The following LSP1 variants were observed in gnomAD, a reference collection of about 807,000 sequenced individuals.
LSP1 encodes lymphocyte specific protein 1, also known as lymphocyte-specific protein 1.
LSP1 carries 32 observed loss-of-function variants against 49.3 expected under a neutral mutation model. That is an observed-to-expected ratio of 0.65 (90% CI 0.49 to 0.87). The LOEUF is 0.87. Ranked by LOEUF, LSP1 falls within the 40% of genes least tolerant of loss-of-function variation. The probability of loss-of-function intolerance (pLI) is 0.00; values close to 1 mark genes in which losing one functional copy is unlikely to be tolerated. For missense variants in LSP1, 428 were observed against 442.6 expected (o/e 0.97, Z 0.30); for synonymous variants, 179 against 178.8 (o/e 1.00, Z -0.01).
chr11:1,866,713 G>A, intron 1 of LSP1: 1 of 1,550,550 alleles, frequency 6.4e-7, no homozygotes, highest in Non-Finnish European at 8.7e-7. Context: ...GAGCTCTGTG[G>A]CCTGGGATTT....
In LSP1 at chr11:1,881,510, G is replaced by A. The variant is rs773971338; in HGVS notation, c.270G>A (p.Gln90=). The A allele has an allele frequency of 5.7e-6, 9 of 1,568,330 alleles. No individual in the cohort carries two copies. The highest frequency in any genetic ancestry group is 7.8e-6 in the Non-Finnish European group (9 of 1,156,044). Reference sequence around the variant, plus strand: ...GCGACTGGTCCCAGAGGCCAGAGCAGCGGCAGCAGCACGAGGGGGCGCAGG... The same window carrying A: ...GCGACTGGTCCCAGAGGCCAGAGCAACGGCAGCAGCACGAGGGGGCGCAGG... ...GFGDWSQRPE[Q]RQQHEGAQGA... is the part of the protein sequence containing the mutation. Residue 90 remains glutamine (Q), a synonymous_variant, in exon 3 of 11, where the codon CAG becomes CAA. Transcript: ENST00000311604.
chr11:1,861,709 GGA>G (rs1847636467), intron 1 of LSP1, among the ~76,000 whole-genome samples: 2 of 150,574 alleles, frequency 1.3e-5, no homozygotes, highest in African/African-American at 2.4e-5. Context: ...ATGGATGGAT[GGA>G]TGGATGGATG....
At position 1,873,854 on chromosome 11, in the gene LSP1, G is replaced by GAGGGAGGCCGGCAGAGC. The variant is rs1565079117; in HGVS notation, c.54-6225_54-6224insCGGCAGAGCAGGGAGGC. Among the ~76,000 whole-genome samples the GAGGGAGGCCGGCAGAGC allele has an allele frequency of 3.6e-4, 31 of 86,660 alleles. 2 individuals carry two copies. The highest frequency in any genetic ancestry group is 5.3e-4 in the African/African-American group (11 of 20,926). 56.9% of individuals were successfully genotyped at this position (86,660 alleles called of 152,430 possible). A position where few individuals can be genotyped will look rare whatever the true frequency, so the allele number is the denominator to read the frequency against. ...CGGCAGAGGAGGGAGGCCGGCAGAG[G>GAGGGAGGCCGGCAGAGC]AGGGAGGCTGGCAGAGGAGGGAGGC... On this transcript the variant is annotated intron_variant, in intron 1 of 10. Transcript: ENST00000311604.
chr11:1,869,774 T>C, intron 1 of LSP1: 1 of 451,280 alleles, frequency 2.2e-6, no homozygotes, highest in Non-Finnish European at 4.5e-6. Context: ...GCGAGGAAAA[T>C]GGGGCGCCCC....
rs764747598 is a variant in LSP1, at chr11:1,880,236, CA to C, written c.191+13del. ...AAGCAGGAGATGCTGTGAGCAGCCC[CA>C]TAACGCGTGCCTGGGCTCTAGCCCC... is the stretch of plus-strand genomic sequence containing the variant. On this transcript the variant is annotated intron_variant, in intron 2 of 10. Coordinates refer to ENST00000311604, the MANE Select transcript of LSP1 (RefSeq NM_002339.3). The C allele has an allele frequency of 3.8e-6, 6 of 1,582,084 alleles. No individual in the cohort carries two copies. In the African/African-American group the frequency reaches 6.8e-5, roughly 18 times the overall value.
At chr11:1,885,521 A>G (rs541926641) in intron 7 of LSP1, among the ~76,000 whole-genome samples, 2 of 150,012 alleles carry the variant, frequency 1.3e-5, no homozygotes, top group South Asian at 4.3e-4. Context: ...CTTGCACCCA[A>G]TCAATGGCCT....
At chr11:1,870,291 A>G in intron 1 of LSP1, 1 of 1,301,246 alleles carries the variant, frequency 7.7e-7, no homozygotes, top group Non-Finnish European at 1.0e-6. Flanking sequence ...GAGGCACCAA[A>G]GCTTACTCCC....
At chr11:1,867,538 G>A (rs1847834412) in intron 1 of LSP1, among the ~76,000 whole-genome samples, 1 of 152,092 alleles carries the variant, frequency 6.6e-6, no homozygotes, top group African/African-American at 2.4e-5. Context: ...GAGAAGCTGT[G>A]GGTGAAGAGA....
In LSP1 at chr11:1,853,215, C is replaced by T. The variant is rs769443790; in HGVS notation, c.53+18C>T. Reference sequence around the variant, plus strand: ...TTGCTGGGGTAAGGGTCTGCGGCGACGCCCGGCGCCCTGTGCCGTGTCCAC... The same window carrying T: ...TTGCTGGGGTAAGGGTCTGCGGCGATGCCCGGCGCCCTGTGCCGTGTCCAC... On this transcript the variant is annotated intron_variant, in intron 1 of 10. Coordinates refer to ENST00000311604, the MANE Select transcript of LSP1 (RefSeq NM_002339.3). The T allele has an allele frequency of 8.7e-6, 14 of 1,604,680 alleles. No individual in the cohort carries two copies. Among genetic ancestry groups the T allele is most frequent in the African/African-American group, 1.3e-5 (1 of 75,006 alleles).
chr11:1,864,298 G>A, intron 1 of LSP1: 4 of 972,574 alleles, frequency 4.1e-6, no homozygotes, highest in Non-Finnish European at 4.9e-6. Flanking sequence ...GAAGAACAGA[G>A]GAGGGCCCGG....
chr11:1,857,128 G>A (rs1316914493), intron 1 of LSP1, among the ~76,000 whole-genome samples: 3 of 152,208 alleles, frequency 2.0e-5, no homozygotes, highest in South Asian at 2.1e-4. Flanking sequence ...CTTCTTCCTC[G>A]TGGGCTGGCA....
In LSP1 at chr11:1,865,511, C is replaced by T. The variant is rs532150605; in HGVS notation, c.53+12314C>T. Among the ~76,000 whole-genome samples, 587 of 151,620 alleles carry T rather than the reference C, an allele frequency of 3.9e-3. 3 individuals carry two copies. The highest frequency in any genetic ancestry group is 0.013 in the African/African-American group (552 of 41,366). On this transcript the variant is annotated intron_variant, in intron 1 of 10. Coordinates refer to ENST00000311604, the MANE Select transcript of LSP1 (RefSeq NM_002339.3). ...TCCTTCCCCATCCCACCTGCACTGC[C>T]GGCTGCGCTGTCGCCTGCTCACACC...
At position 1,889,846 on chromosome 11, in the gene LSP1, C is replaced by A. The variant is rs905555351; in HGVS notation, c.*14-1927C>A. The A allele has an allele frequency of 6.3e-6, 4 of 633,590 alleles. No individual in the cohort carries two copies. The Admixed American group carries it at 1.1e-4, about 17-fold the overall frequency. The allele number at this position is 633,590 out of a possible 1,614,324, so 39.2% of individuals were successfully genotyped here. ...TGGAAGCCGGGTGGCGGCCGTGGTA[C>A]AGGGGGCTCCTCAGGCAAGGGACTG... On this transcript the variant is annotated intron_variant, in intron 10 of 10. Coordinates refer to ENST00000311604, the MANE Select transcript of LSP1 (RefSeq NM_002339.3).
At chr11:1,856,946 G>T (rs1847504555) in intron 1 of LSP1, among the ~76,000 whole-genome samples, 1 of 152,198 alleles carries the variant, frequency 6.6e-6, no homozygotes, top group South Asian at 2.1e-4. Flanking sequence ...GCCCCACAGG[G>T]GCTGCTGAGG....
chr11:1,880,461 G>A (rs939613451), intron 2 of LSP1, among the ~76,000 whole-genome samples: 2 of 152,094 alleles, frequency 1.3e-5, no homozygotes, highest in Non-Finnish European at 2.9e-5. Flanking sequence ...CCCAGGCTCT[G>A]TGTCCGTGCC....
chr11:1,879,899 T>G (rs1237672332), intron 1 of LSP1, 188 bp from the exon 2 acceptor site: 7 of 608,330 alleles, frequency 1.2e-5, no homozygotes, highest in Non-Finnish European at 1.9e-5. Flanking sequence ...GGGCACCTCA[T>G]GACCACGTGG....
At chr11:1,883,283 T>G in intron 3 of LSP1, 136 bp from the exon 4 acceptor site, 1 of 1,094,172 alleles carries the variant, frequency 9.1e-7, no homozygotes, top group Non-Finnish European at 1.3e-6. Flanking sequence ...TGGGCTTGGG[T>G]CTCAGATCCC....
intron 3 of LSP1, among the ~76,000 whole-genome samples, 157 bp downstream of exon 3, chr11:1,881,753 G>A (rs4980377): frequency 5.3e-4 from 80 of 150,574 alleles, no homozygotes; most frequent in African/African-American, 1.8e-3. Flanking sequence ...CTCAACCTGC[G>A]CCTGAGCAGC....
intron 1 of LSP1, chr11:1,869,254 T>G: frequency 4.3e-6 from 1 of 229,944 alleles, no homozygotes; most frequent in Non-Finnish European, 8.8e-6. Flanking sequence ...GGGCCGGGCC[T>G]GGCCAGGGAT....
Sources: gnomAD v4.1 joint callset for allele counts (sites outside exome capture counted in the v4.1 genomes callset) on GRCh38, gnomAD v4.1.1 for gene constraint, MANE v1.5 for transcripts, NCBI Gene and HGNC (gene_info 2026-07-23, HGNC 2026-07-21) for gene names.